Variants in SNX29 observed in about 807,000 individuals in gnomAD.
SNX29 encodes sorting nexin 29.
SNX29 carries 78 observed loss-of-function variants against 102.1 expected under a neutral mutation model. The ratio of observed to expected loss-of-function variants is 0.76; its 90% CI spans 0.64 to 0.92. SNX29 has a LOEUF of 0.92. SNX29 is among the 40% of genes least tolerant of loss of function. SNX29 has a pLI of 0.00. For missense variants in SNX29, 1,280 were observed against 1,061.7 expected (o/e 1.21, Z -2.86); for synonymous variants, 580 against 414.5 (o/e 1.40, Z -4.85).
At chr16:12,291,974 G>A (rs1479172023) in intron 15 of SNX29, among the ~76,000 whole-genome samples, 3 of 152,236 alleles carry the variant, frequency 2.0e-5, no homozygotes, top group Non-Finnish European at 4.4e-5. Flanking sequence ...AGTAGAGTTA[G>A]CGTCATAAAA....
chr16:12,317,360 C>G (rs145190583), intron 15 of SNX29, among the ~76,000 whole-genome samples: 1 of 152,340 alleles, frequency 6.6e-6, no homozygotes, highest in Non-Finnish European at 1.5e-5. Flanking sequence ...GTGTCCTTCT[C>G]TGTCTTGGCT....
At position 12,344,765 on chromosome 16, in the gene SNX29, G is replaced by A. The variant is rs557296763; in HGVS notation, c.1783-11398G>A. On this transcript the variant is annotated intron_variant, in intron 15 of 20. Coordinates refer to ENST00000566228, the MANE Select transcript of SNX29 (RefSeq NM_032167.5). The stretch of plus-strand genomic sequence containing the variant: ...GCTGCCTGCCCAGCAGGCTGGAGAA[G>A]GCTTTCTGTGCTGGGGAGGAGAGGA... 1.5e-3 allele frequency among the ~76,000 whole-genome samples: 234 copies of A among 152,300 alleles called. 1 individual carries two copies. Among genetic ancestry groups the A allele is most frequent in the Middle Eastern group, 6.8e-3 (2 of 294 alleles).
At chr16:12,304,075 T>C (rs1007696323) in intron 15 of SNX29, among the ~76,000 whole-genome samples, 1 of 152,240 alleles carries the variant, frequency 6.6e-6, no homozygotes, top group African/African-American at 2.4e-5. Flanking sequence ...GTAATAAGAA[T>C]GATTTCTACC....
At chr16:12,325,029 G>A (rs2081074840) in intron 15 of SNX29, among the ~76,000 whole-genome samples, 1 of 152,134 alleles carries the variant, frequency 6.6e-6, no homozygotes, top group South Asian at 2.1e-4. Flanking sequence ...CAGCAATCTT[G>A]TAGAACGACA....
intron 16 of SNX29, among the ~76,000 whole-genome samples, chr16:12,394,763 T>C (rs1257573592): frequency 6.6e-6 from 1 of 152,220 alleles, no homozygotes; most frequent in African/African-American, 2.4e-5. Flanking sequence ...CTGAGTAGAC[T>C]AAGAGATTTG....
chr16:12,567,525 C>A (rs1178900492), intron 20 of SNX29, among the ~76,000 whole-genome samples: 1 of 152,128 alleles, frequency 6.6e-6, no homozygotes, highest in African/African-American at 2.4e-5. Context: ...TGGCTCACAC[C>A]TGTAATCCCA....
intron 15 of SNX29, among the ~76,000 whole-genome samples, chr16:12,350,182 A>G (rs1021153222): frequency 2.0e-4 from 31 of 152,314 alleles, no homozygotes; most frequent in African/African-American, 6.3e-4. Flanking sequence ...TGACAGTTAC[A>G]GTTGGCCCTC....
chr16:12,538,247 C>G (rs890570015), intron 20 of SNX29, among the ~76,000 whole-genome samples: 1 of 152,082 alleles, frequency 6.6e-6, no homozygotes, highest in African/African-American at 2.4e-5. Flanking sequence ...TCCCTAGTAG[C>G]TGGGATTACA....
rs2870220 is a variant in SNX29 at position 12,238,830 on chromosome 16, A to C, written c.1679-39103A>C. On this transcript the variant is annotated intron_variant, in intron 14 of 20. Coordinates refer to ENST00000566228, the MANE Select transcript of SNX29 (RefSeq NM_032167.5). ...TGCAGAGCTGTCGAGTGTCTCTGCCACAGTCTAGTGTCCTGGTCCACTTTA... is the reference window on the plus strand; with the variant it reads ...TGCAGAGCTGTCGAGTGTCTCTGCCCCAGTCTAGTGTCCTGGTCCACTTTA... Among the ~76,000 whole-genome samples the C allele has an allele frequency of 5.2e-4, 79 of 152,348 alleles. 1 individual carries two copies. The South Asian group carries it at 0.012, about 23-fold the overall frequency.
At chr16:12,456,474 G>A (rs1218067058) in intron 18 of SNX29, among the ~76,000 whole-genome samples, 1 of 151,962 alleles carries the variant, frequency 6.6e-6, no homozygotes, top group Non-Finnish European at 1.5e-5. Context: ...TTTGGGGTGG[G>A]GTAAGGGTGT....
intron 15 of SNX29, among the ~76,000 whole-genome samples, chr16:12,333,752 T>G (rs529432014): frequency 1.5e-3 from 223 of 152,228 alleles, no homozygotes; most frequent in African/African-American, 4.7e-3. Flanking sequence ...ATTATCTGTA[T>G]CTCTCACAGA....
intron 16 of SNX29, among the ~76,000 whole-genome samples, chr16:12,380,647 C>CCACA (rs1597156001): frequency 8.2e-6 from 1 of 122,062 alleles, no homozygotes; most frequent in African/African-American, 3.8e-5. Flanking sequence ...ATCCATCCAC[C>CCACA]CACCATCCAT....
At chr16:12,553,101 G>T (rs111647780) in intron 20 of SNX29, among the ~76,000 whole-genome samples, 1 of 147,596 alleles carries the variant, frequency 6.8e-6, no homozygotes, top group Non-Finnish European at 1.5e-5. Flanking sequence ...GGCTTGGCCT[G>T]GGGCTTTCAG....
At chr16:12,030,692 C>T (rs1288857609) in intron 4 of SNX29, among the ~76,000 whole-genome samples, 2 of 152,172 alleles carry the variant, frequency 1.3e-5, no homozygotes, top group Admixed American at 1.3e-4. Context: ...CCACTTATTC[C>T]CCGTAACCCC....
chr16:12,395,699 T>G (rs761887604), intron 16 of SNX29, among the ~76,000 whole-genome samples: 2 of 152,116 alleles, frequency 1.3e-5, no homozygotes, highest in African/African-American at 2.4e-5. Context: ...TCTCCAAGAT[T>G]CCCCAGACTT....
chr16:12,499,015 A>G (rs1280088144), intron 19 of SNX29, among the ~76,000 whole-genome samples: 1 of 152,164 alleles, frequency 6.6e-6, no homozygotes, highest in Non-Finnish European at 1.5e-5. Flanking sequence ...AGGGAGCTGG[A>G]AAAATGAGCC....
chr16:12,126,333 G>GTTGT (rs2054212911), intron 11 of SNX29, among the ~76,000 whole-genome samples: 2 of 152,228 alleles, frequency 1.3e-5, no homozygotes, highest in South Asian at 4.1e-4. Flanking sequence ...ACTTCTAGGA[G>GTTGT]ATAGTAACTG....
At chr16:12,492,681 T>C (rs1254044149) in intron 19 of SNX29, among the ~76,000 whole-genome samples, 3 of 152,250 alleles carry the variant, frequency 2.0e-5, no homozygotes, top group African/African-American at 7.2e-5. Context: ...ATGTAAGTCT[T>C]TAATGCATCT....
In SNX29 at chr16:12,572,749, T is replaced by C. The variant is rs2079214628; in HGVS notation, c.*4120T>C. On this transcript the variant is annotated 3_prime_UTR_variant, in exon 21 of 21. Coordinates refer to ENST00000566228, the MANE Select transcript of SNX29 (RefSeq NM_032167.5). The stretch of plus-strand genomic sequence containing the variant: ...TGATGGCAAAGGAAGGGCTGGGTTT[T>C]CAGCTTCTGGGACCCGAGGAAGACC... 1 of 1,064,110 alleles carries C rather than the reference T, an allele frequency of 9.4e-7. No homozygotes were observed. Among genetic ancestry groups the C allele is most frequent in the African/African-American group, 1.6e-5 (1 of 61,126 alleles). 65.9% of individuals were successfully genotyped at this position (1,064,110 alleles called of 1,614,324 possible).
Sources: gnomAD v4.1 joint callset for allele counts (sites outside exome capture counted in the v4.1 genomes callset) on GRCh38, gnomAD v4.1.1 for gene constraint, MANE v1.5 for transcripts, NCBI Gene and HGNC (gene_info 2026-07-23, HGNC 2026-07-21) for gene names.